The following PPME1 variants were observed in gnomAD, a reference collection of about 807,000 sequenced individuals.
PPME1 encodes testicular secretory protein Li 39.
A neutral mutation model predicts 56.9 loss-of-function variants in PPME1; 17 were observed. The ratio of observed to expected loss-of-function variants is 0.30; its 90% CI spans 0.20 to 0.45. PPME1 has a LOEUF of 0.45. Among genes scored for constraint, PPME1 ranks in the 20% least tolerant of loss-of-function variants. The pLI, the probability that PPME1 is intolerant of heterozygous loss-of-function variation, is 1.00. For missense variants in PPME1, 357 were observed against 483.2 expected (o/e 0.74, Z 2.45); for synonymous variants, 122 against 156.2 (o/e 0.78, Z 1.63).
At chr11:74,210,957 A>G (rs1374086720) in intron 3 of PPME1, among the ~76,000 whole-genome samples, 1 of 152,216 alleles carries the variant, frequency 6.6e-6, no homozygotes, top group Non-Finnish European at 1.5e-5. Flanking sequence ...TTATTATGTG[A>G]AGATATTCTC....
At chr11:74,204,043 A>T (rs1235555072) in intron 2 of PPME1, among the ~76,000 whole-genome samples, 1 of 152,134 alleles carries the variant, frequency 6.6e-6, no homozygotes, top group East Asian at 1.9e-4. Flanking sequence ...CTTGAAACTG[A>T]TATACTGTCT....
At chr11:74,231,570 G>C (rs535260111) in intron 7 of PPME1, among the ~76,000 whole-genome samples, 160 of 152,302 alleles carry the variant, frequency 1.1e-3, no homozygotes, top group Non-Finnish European at 2.0e-3. Flanking sequence ...TTTAGATTTG[G>C]CTCAGTTGTC....
intron 4 of PPME1, among the ~76,000 whole-genome samples, chr11:74,223,861 A>T (rs1388295106): frequency 6.7e-6 from 1 of 149,190 alleles, no homozygotes; most frequent in Non-Finnish European, 1.5e-5. Flanking sequence ...TCAGATGAGT[A>T]AGTTGCGAAA....
intron 1 of PPME1, 112 bp from the exon 2 acceptor site, chr11:74,203,616 A>G: frequency 1.5e-6 from 1 of 662,246 alleles, no homozygotes; most frequent in East Asian, 2.7e-5. Flanking sequence ...TATCTTTAAG[A>G]GAAAATACCT....
chr11:74,176,225 T>G lies in PPME1; in HGVS notation c.101+4703T>G, dbSNP rs531001879. ...GCTCTCCTTTCAGTTTCTTATGTTATCAGCTTTTTTGTCCCCACAAGCTGT... is the reference window on the plus strand; with the variant it reads ...GCTCTCCTTTCAGTTTCTTATGTTAGCAGCTTTTTTGTCCCCACAAGCTGT... On this transcript the variant is annotated intron_variant, in intron 1 of 13. Transcript: ENST00000328257. Among the ~76,000 whole-genome samples, 51 of 152,342 alleles carry G rather than the reference T, an allele frequency of 3.3e-4. 1 individual carries two copies. The South Asian group carries it at 0.01, about 30-fold the overall frequency.
rs1859768230 is a variant in PPME1, at chr11:74,253,880, A to T, written c.*370A>T. The T allele has an allele frequency of 8.4e-6, 3 of 357,154 alleles. No individual in the cohort carries two copies. Among genetic ancestry groups the T allele is most frequent in the Non-Finnish European group, 1.5e-5 (3 of 196,274 alleles). 22.1% of individuals were successfully genotyped at this position (357,154 alleles called of 1,614,324 possible). On this transcript the variant is annotated 3_prime_UTR_variant, in exon 14 of 14. Coordinates refer to ENST00000328257, the MANE Select transcript of PPME1 (RefSeq NM_016147.3). ...TTCAAATGTCTTCCCAGGCTCAGGG[A>T]CCTCCATTCCTTGAGATTGTCTTGG...
At chr11:74,243,827 AAAC>A (rs1248051692) in intron 9 of PPME1, among the ~76,000 whole-genome samples, 3 of 151,620 alleles carry the variant, frequency 2.0e-5, no homozygotes, top group South Asian at 2.1e-4. Flanking sequence ...ACAAAACAAA[AAAC>A]AACCCATAAA....
At chr11:74,223,901 C>G (rs1323645638) in intron 4 of PPME1, among the ~76,000 whole-genome samples, 1 of 149,680 alleles carries the variant, frequency 6.7e-6, no homozygotes, top group African/African-American at 2.4e-5. Flanking sequence ...GTTGCCTGTT[C>G]ACTCTGATGG....
At chr11:74,180,969 T>C (rs1204749974) in intron 1 of PPME1, among the ~76,000 whole-genome samples, 1 of 152,036 alleles carries the variant, frequency 6.6e-6, no homozygotes, top group East Asian at 1.9e-4. Flanking sequence ...ATTTCCTAAG[T>C]GTTTCTTGCA....
In PPME1 at chr11:74,232,099, T is replaced by C. The variant is rs189298322; in HGVS notation, c.644+1097T>C. Among the ~76,000 whole-genome samples, 280 of 152,304 alleles carry C rather than the reference T, an allele frequency of 1.8e-3. 1 individual carries two copies. The highest frequency in any genetic ancestry group is 6.6e-3 in the African/African-American group (275 of 41,560). ...CTTCAGAACATTTTCTCTTAAGTTCTCCAAACCACCCAGATGACGCTTTCA... is the reference window on the plus strand; with the variant it reads ...CTTCAGAACATTTTCTCTTAAGTTCCCCAAACCACCCAGATGACGCTTTCA... On this transcript the variant is annotated intron_variant, in intron 7 of 13. Coordinates refer to ENST00000328257, the MANE Select transcript of PPME1 (RefSeq NM_016147.3).
intron 1 of PPME1, among the ~76,000 whole-genome samples, chr11:74,194,250 G>A (rs539266914): frequency 6.6e-6 from 1 of 151,876 alleles, no homozygotes; most frequent in South Asian, 2.1e-4. Context: ...AGTTAATTCT[G>A]TTTCAGCCTT....
chr11:74,209,397 C>T (rs994657536), intron 3 of PPME1, among the ~76,000 whole-genome samples: 6 of 152,216 alleles, frequency 3.9e-5, no homozygotes, highest in Non-Finnish European at 5.9e-5. Flanking sequence ...GCTACTGTGT[C>T]TGGCCATGGG....
chr11:74,224,057 T>A (rs1159085804), intron 4 of PPME1, among the ~76,000 whole-genome samples: 1 of 152,002 alleles, frequency 6.6e-6, no homozygotes, highest in Non-Finnish European at 1.5e-5. Flanking sequence ...GGTTTTCTTC[T>A]AGGGTTTTTA....
intron 9 of PPME1, among the ~76,000 whole-genome samples, chr11:74,240,231 C>T (rs1282970476): frequency 1.3e-5 from 2 of 152,076 alleles, no homozygotes; most frequent in Non-Finnish European, 2.9e-5. Flanking sequence ...TTTTATAAGT[C>T]ACACTCAGAA....
chr11:74,207,569 T>C (rs1051419257), intron 3 of PPME1, among the ~76,000 whole-genome samples: 13 of 152,242 alleles, frequency 8.5e-5, no homozygotes, highest in Non-Finnish European at 1.5e-5. Context: ...AACCTTTTAT[T>C]CCTTGTTTAT....
At chr11:74,228,308 T>C (rs1858980642) in intron 5 of PPME1, among the ~76,000 whole-genome samples, 3 of 152,204 alleles carry the variant, frequency 2.0e-5, no homozygotes, top group African/African-American at 4.8e-5. Flanking sequence ...TAATTTCCTC[T>C]GTGTTACTAC....
intron 1 of PPME1, 119 bp downstream of exon 1, chr11:74,171,641 C>G: frequency 1.5e-6 from 2 of 1,305,736 alleles, no homozygotes; most frequent in South Asian, 3.2e-5. Context: ...ATGTTGGCGG[C>G]CTGGAGATAT....
At chr11:74,179,811 C>CT (rs1203649746) in intron 1 of PPME1, among the ~76,000 whole-genome samples, 1 of 152,178 alleles carries the variant, frequency 6.6e-6, no homozygotes, top group African/African-American at 2.4e-5. Context: ...TGGTTGCTTT[C>CT]TTTTCATTCT....
Position 74,253,561 on chromosome 11 carries a change from G to A in PPME1, c.*51G>A, listed in dbSNP as rs981942124. On this transcript the variant is annotated 3_prime_UTR_variant, in exon 14 of 14. Transcript: ENST00000328257. ...CATCGAGCTCTGTTGTAAATACGTC[G>A]CACCAGAGGCCACTGTGATGCCACT... 2.8e-5 allele frequency: 43 copies of A among 1,553,480 alleles called. No homozygotes were observed. The African/African-American group carries it at 3.8e-4, about 14-fold the overall frequency.
Sources: allele counts gnomAD v4.1 joint callset (sites outside exome capture counted in the v4.1 genomes callset), GRCh38; gene constraint gnomAD v4.1.1; transcripts MANE v1.5; gene names NCBI Gene and HGNC (gene_info 2026-07-23, HGNC 2026-07-21).